The following RYR2 variants were observed in gnomAD, a reference collection of about 807,000 sequenced individuals.
The protein encoded by RYR2 is ryanodine receptor 2.
RYR2 carries 227 observed loss-of-function variants against 601.1 expected under a neutral mutation model. The ratio of observed to expected loss-of-function variants is 0.38; its 90% CI spans 0.34 to 0.42. The LOEUF (loss-of-function observed/expected upper bound fraction) is 0.42. RYR2 is among the 10% of genes least tolerant of loss of function. The probability of loss-of-function intolerance (pLI) is 1.00; values close to 1 mark genes in which losing one functional copy is unlikely to be tolerated. For synonymous variants in RYR2, 2,223 were observed against 2,175.1 expected, an observed-to-expected ratio of 1.02 and a Z score of -0.61; for missense variants, 4,646 against 6,156.5, an observed-to-expected ratio of 0.75 and a Z score of 8.21.
intron 76 of RYR2, among the ~76,000 whole-genome samples, chr1:237,729,210 T>C (rs1479701406): frequency 1.3e-5 from 2 of 152,150 alleles, no homozygotes; most frequent in East Asian, 1.9e-4. Flanking sequence ...GTATCCTTTA[T>C]TCCAGTGGTT....
chr1:237,791,871 T>A (rs532750111), intron 93 of RYR2: 14 of 583,534 alleles, frequency 2.4e-5, no homozygotes, highest in Middle Eastern at 4.5e-4. Context: ...TTTTTTAGCA[T>A]GCATTGGAAT....
intron 63 of RYR2, among the ~76,000 whole-genome samples, chr1:237,697,069 C>T (rs1687518705): frequency 6.6e-6 from 1 of 151,988 alleles, no homozygotes; most frequent in Non-Finnish European, 1.5e-5. Flanking sequence ...CCTCTCCCAA[C>T]CTCTCCAACT....
chr1:237,644,590 A>G (rs1227317023), intron 48 of RYR2, among the ~76,000 whole-genome samples: 1 of 152,230 alleles, frequency 6.6e-6, no homozygotes, highest in Non-Finnish European at 1.5e-5. Flanking sequence ...TAAAGAAGTT[A>G]TTGAAGACAA....
chr1:237,073,520 AG>A (rs1424087500), intron 1 of RYR2, among the ~76,000 whole-genome samples: 6 of 152,168 alleles, frequency 3.9e-5, no homozygotes, highest in Non-Finnish European at 8.8e-5. Context: ...TGCAGGGGTA[AG>A]ATGCATACCA....
intron 54 of RYR2, 96 bp from the exon 55 acceptor site, chr1:237,659,889 G>C: frequency 1.4e-6 from 1 of 697,716 alleles, no homozygotes; most frequent in South Asian, 2.2e-5. Context: ...TTCATTTTAG[G>C]TTTATTTTAT....
At chr1:237,529,571 A>C (rs1273585928) in intron 24 of RYR2, among the ~76,000 whole-genome samples, 2 of 152,110 alleles carry the variant, frequency 1.3e-5, no homozygotes, top group African/African-American at 4.8e-5. Context: ...TATGGGTTTT[A>C]GATAATTCCC....
intron 87 of RYR2, 75 bp from the exon 88 acceptor site, chr1:237,778,591 T>C (rs1028082900): frequency 2.9e-6 from 2 of 700,484 alleles, no homozygotes; most frequent in Non-Finnish European, 5.0e-6. Flanking sequence ...AGTCAACTTT[T>C]CCCCTGTTAT....
At chr1:237,113,178 ATTTAT>A (rs1236588782) in intron 1 of RYR2, among the ~76,000 whole-genome samples, 1 of 151,188 alleles carries the variant, frequency 6.6e-6, no homozygotes, top group Non-Finnish European at 1.5e-5. Context: ...CCTCTCTTTT[ATTTAT>A]TTTATTTTAT....
chr1:237,597,918 A>G (rs780641538), intron 34 of RYR2, among the ~76,000 whole-genome samples: 73 of 152,338 alleles, frequency 4.8e-4, no homozygotes, highest in Middle Eastern at 3.4e-3. Flanking sequence ...ACTCAACTAT[A>G]TGCTGCCCAC....
intron 1 of RYR2, among the ~76,000 whole-genome samples, chr1:237,179,016 A>G (rs986174132): frequency 2.6e-5 from 4 of 152,108 alleles, no homozygotes; most frequent in Non-Finnish European, 4.4e-5. Context: ...TGAGATCCCT[A>G]TTTTGTTAAA....
chr1:237,271,746 T>C (rs527236543), intron 2 of RYR2, among the ~76,000 whole-genome samples: 5 of 152,046 alleles, frequency 3.3e-5, no homozygotes, highest in Non-Finnish European at 7.4e-5. Context: ...AGTAAATGTA[T>C]AGGAGGAAGT....
At chr1:237,070,204 AC>A (rs772045813) in intron 1 of RYR2, among the ~76,000 whole-genome samples, 2 of 151,684 alleles carry the variant, frequency 1.3e-5, no homozygotes, top group Non-Finnish European at 2.9e-5. Flanking sequence ...ACTGTGTTTA[AC>A]TTTTTACCTT....
At chr1:237,147,636 G>A (rs1025084946) in intron 1 of RYR2, among the ~76,000 whole-genome samples, 2 of 152,190 alleles carry the variant, frequency 1.3e-5, no homozygotes, top group African/African-American at 4.8e-5. Context: ...CCAACCTCAT[G>A]GTGAATACAT....
chr1:237,627,048 G>A (rs1049827438), intron 40 of RYR2, among the ~76,000 whole-genome samples: 1 of 152,150 alleles, frequency 6.6e-6, no homozygotes, highest in Non-Finnish European at 1.5e-5. Flanking sequence ...CTAGATGAAA[G>A]TAAAACAGCC....
At chr1:237,333,821 G>T (rs1184178982) in intron 3 of RYR2, among the ~76,000 whole-genome samples, 3 of 152,102 alleles carry the variant, frequency 2.0e-5, no homozygotes, top group African/African-American at 7.2e-5. Flanking sequence ...TAAATGAAGA[G>T]CCACTTTTCC....
At chr1:237,555,804 G>A (rs972520353) in intron 27 of RYR2, among the ~76,000 whole-genome samples, 1 of 152,088 alleles carries the variant, frequency 6.6e-6, no homozygotes, top group Non-Finnish European at 1.5e-5. Context: ...AAACACTACA[G>A]CTCAGAGAAT....
intron 10 of RYR2, among the ~76,000 whole-genome samples, chr1:237,413,142 G>T (rs912327001): frequency 2.0e-5 from 3 of 152,038 alleles, no homozygotes; most frequent in African/African-American, 7.2e-5. Context: ...AACCATTGAC[G>T]CTCTGCACAT....
intron 96 of RYR2, among the ~76,000 whole-genome samples, chr1:237,795,777 A>G (rs1302997723): frequency 6.7e-6 from 1 of 150,346 alleles, no homozygotes; most frequent in African/African-American, 2.4e-5. Flanking sequence ...AATAGCACAT[A>G]ATGGCCGGGC....
intron 24 of RYR2, 50 bp from the exon 25 acceptor site, chr1:237,530,377 C>A (rs956394532): frequency 1.4e-5 from 19 of 1,371,536 alleles, no homozygotes; most frequent in Admixed American, 3.8e-5. Context: ...TTGGGTTATT[C>A]TGGACATAGA....
Sources: gnomAD v4.1 joint callset for allele counts (sites outside exome capture counted in the v4.1 genomes callset) on GRCh38, gnomAD v4.1.1 for gene constraint, MANE v1.5 for transcripts, NCBI Gene and HGNC (gene_info 2026-07-23, HGNC 2026-07-21) for gene names.